WDFY4: variants seen among roughly 807,000 people sequenced by gnomAD.
WDFY4 encodes WDFY family member 4.
In WDFY4, 169 loss-of-function variants were observed where a neutral mutation model predicts 351.9. The observed-to-expected ratio is 0.48, with a 90% CI of 0.42 to 0.55. WDFY4 has a LOEUF of 0.55. WDFY4 is among the 20% of genes least tolerant of loss of function. The pLI is 0.00. For missense variants in WDFY4, 3,803 were observed against 3,935.6 expected, an observed-to-expected ratio of 0.97 and a Z score of 0.90; for synonymous variants, 1,622 against 1,574.6, an observed-to-expected ratio of 1.03 and a Z score of -0.71.
chr10:48,931,411 C>T (rs572674439), intron 47 of WDFY4, among the ~76,000 whole-genome samples: 2 of 152,316 alleles, frequency 1.3e-5, no homozygotes, highest in Non-Finnish European at 2.9e-5. Context: ...TCCTGTTTCC[C>T]TCCAGAGGTA....
At position 48,901,876 on chromosome 10, in the gene WDFY4, A is replaced by G. The variant is rs749456345; in HGVS notation, c.7586+13A>G. 3 of 1,550,758 alleles carry G rather than the reference A, an allele frequency of 1.9e-6. No homozygotes were observed. Among genetic ancestry groups the G allele is most frequent in the Admixed American group, 2.0e-5 (1 of 51,006 alleles). The stretch of plus-strand genomic sequence containing the variant: ...CCCTCAGTCTAAGGTAATGGCGGGT[A>G]GCCATGCTGTCTGGGCATGGCACTG... On this transcript the variant is annotated intron_variant, in intron 47 of 61. Coordinates refer to ENST00000325239, the MANE Select transcript of WDFY4 (RefSeq NM_001394531.1).
At position 48,787,883 on chromosome 10, in the gene WDFY4, TTC is replaced by T. The variant is rs1491371316; in HGVS notation, c.3809-645_3809-644del. On this transcript the variant is annotated intron_variant, in intron 20 of 61. Transcript: ENST00000325239. ...TTTCTTCTTCTTTCTTCTTTCTTTC[TTC>T]TTCTTCTCCTTCTTCTTCTTCTTCT... is the stretch of plus-strand genomic sequence containing the variant. Among the ~76,000 whole-genome samples the T allele has an allele frequency of 1.4e-3, 125 of 90,036 alleles. 9 individuals are homozygous for T. In the East Asian group the frequency reaches 0.015, roughly 11 times the overall value. 59.1% of individuals were successfully genotyped at this position (90,036 alleles called of 152,430 possible).
At chr10:48,778,110 GCT>G (rs894250319) in intron 17 of WDFY4, among the ~76,000 whole-genome samples, 54 of 152,368 alleles carry the variant, frequency 3.5e-4, no homozygotes, top group African/African-American at 1.3e-3. Context: ...TGAGCCACAC[GCT>G]CTGTTAGGAG....
At chr10:48,868,112 G>A (rs904526547) in intron 40 of WDFY4, among the ~76,000 whole-genome samples, 4 of 152,168 alleles carry the variant, frequency 2.6e-5, no homozygotes, top group African/African-American at 9.7e-5. Flanking sequence ...CTTACACATG[G>A]TGCCCGGTGC....
At chr10:48,745,869 C>G (rs932255217) in intron 12 of WDFY4, 1 of 311,338 alleles carries the variant, frequency 3.2e-6, no homozygotes, top group Non-Finnish European at 6.1e-6. Flanking sequence ...CTGGGCCTTG[C>G]GGACCGCGGG....
At chr10:48,874,386 T>C (rs1418625961) in intron 41 of WDFY4, among the ~76,000 whole-genome samples, 1 of 152,244 alleles carries the variant, frequency 6.6e-6, no homozygotes, top group African/African-American at 2.4e-5. Context: ...ATGATCATAA[T>C]TTAAAATATC....
intron 1 of WDFY4, among the ~76,000 whole-genome samples, chr10:48,698,071 C>T (rs2063379560): frequency 6.6e-6 from 1 of 152,214 alleles, no homozygotes; most frequent in African/African-American, 2.4e-5. Context: ...TTGTCCATTA[C>T]AGAGCCTCTC....
At position 48,723,899 on chromosome 10, in the gene WDFY4, G is replaced by A. The variant is rs150875794; in HGVS notation, c.591+332G>A. Among the ~76,000 whole-genome samples the A allele has an allele frequency of 1.8e-4, 28 of 152,182 alleles. No individual in the cohort carries two copies. In the East Asian group the frequency reaches 5.0e-3, roughly 27 times the overall value. ...ATACAAACTGAGGCATGGTGAGTGA[G>A]CATGGGGTCTGGGGTCATAGAAGTC... is the stretch of plus-strand genomic sequence containing the variant. On this transcript the variant is annotated intron_variant, in intron 5 of 61. Transcript: ENST00000325239.
At chr10:48,698,799 T>C (rs1469946138) in intron 1 of WDFY4, among the ~76,000 whole-genome samples, 2 of 152,180 alleles carry the variant, frequency 1.3e-5, no homozygotes. Context: ...GCCGAGGCTC[T>C]CCAGAGAAAC....
Position 48,981,415 on chromosome 10 carries a change from G to C in WDFY4, c.9425G>C (p.Ser3142Thr). 3 of 1,551,776 alleles carry C rather than the reference G, an allele frequency of 1.9e-6. No homozygotes were observed. The highest frequency in any genetic ancestry group is 2.6e-6 in the Non-Finnish European group (3 of 1,147,004). Residue 3142 changes from serine to threonine, a missense_variant, in exon 61 of 62, where the codon AGC (serine) becomes ACC (threonine). Coordinates refer to ENST00000325239, the MANE Select transcript of WDFY4 (RefSeq NM_001394531.1). Reference protein sequence around the residue: ...NLALSRELDVSIALTGKPSKT... With the variant: ...NLALSRELDVTIALTGKPSKT... ...GCCTTGAGTCGAGAGCTGGACGTTA[G>C]CATTGCTTTGACAGGGAAGCCCAGC... is the stretch of plus-strand genomic sequence containing the variant.
chr10:48,962,492 C>G (rs888897521), intron 53 of WDFY4, among the ~76,000 whole-genome samples: 1 of 152,188 alleles, frequency 6.6e-6, no homozygotes, highest in Non-Finnish European at 1.5e-5. Context: ...TGCCACCTCT[C>G]AGATAGACTG....
At chr10:48,839,011 G>A (rs2068505593) in intron 39 of WDFY4, among the ~76,000 whole-genome samples, 1 of 152,290 alleles carries the variant, frequency 6.6e-6, no homozygotes, top group East Asian at 1.9e-4. Flanking sequence ...AGGAAGAAAG[G>A]CAATAAGCTC....
chr10:48,812,683 C>T (rs886858203), intron 30 of WDFY4, among the ~76,000 whole-genome samples: 13 of 152,152 alleles, frequency 8.5e-5, no homozygotes, highest in African/African-American at 3.1e-4. Flanking sequence ...CTGTGCTCAC[C>T]GTATGCACCT....
At chr10:48,742,014 C>T (rs952899186) in intron 11 of WDFY4, among the ~76,000 whole-genome samples, 2 of 152,142 alleles carry the variant, frequency 1.3e-5, no homozygotes, top group Non-Finnish European at 2.9e-5. Flanking sequence ...CGATGAAGCA[C>T]AGTATGAGAA....
chr10:48,763,111 G>A (rs1368953678), intron 13 of WDFY4, among the ~76,000 whole-genome samples: 1 of 152,210 alleles, frequency 6.6e-6, no homozygotes, highest in Non-Finnish European at 1.5e-5. Context: ...ATTTAAGCCA[G>A]GACCTACCTG....
intron 47 of WDFY4, among the ~76,000 whole-genome samples, chr10:48,916,455 A>C (rs902257602): frequency 1.3e-5 from 2 of 152,194 alleles, no homozygotes; most frequent in South Asian, 2.1e-4. Flanking sequence ...CCAGGCAGGC[A>C]TCTAGAAGCT....
chr10:48,774,410 A>G lies in WDFY4; in HGVS notation c.2554-48A>G, dbSNP rs138244790. The stretch of plus-strand genomic sequence containing the variant: ...GTTGGAGCCTATAAAAGCTGTCCAC[A>G]AGGTGTTCTGCCCTGGAGGGCTCAC... On this transcript the variant is annotated intron_variant, in intron 13 of 61. Coordinates refer to ENST00000325239, the MANE Select transcript of WDFY4 (RefSeq NM_001394531.1). The G allele has an allele frequency of 3.5e-4, 546 of 1,543,930 alleles. No homozygotes were observed. The African/African-American group carries it at 6.5e-3, about 19-fold the overall frequency.
intron 39 of WDFY4, among the ~76,000 whole-genome samples, chr10:48,833,847 A>G (rs1200326011): frequency 6.6e-6 from 1 of 152,234 alleles, no homozygotes; most frequent in Non-Finnish European, 1.5e-5. Flanking sequence ...CAGCTGACAG[A>G]CACATTAACA....
chr10:48,692,885 T>C (rs2132094822), intron 1 of WDFY4, among the ~76,000 whole-genome samples: 1 of 152,348 alleles, frequency 6.6e-6, no homozygotes, highest in South Asian at 2.1e-4. Flanking sequence ...CTGCTGGTGA[T>C]GGCTGCCTTC....
Sources: gnomAD v4.1 joint callset for allele counts (sites outside exome capture counted in the v4.1 genomes callset) on GRCh38, gnomAD v4.1.1 for gene constraint, MANE v1.5 for transcripts, NCBI Gene and HGNC (gene_info 2026-07-23, HGNC 2026-07-21) for gene names.